ZNF619: variants seen among roughly 807,000 people sequenced by gnomAD.
The protein encoded by ZNF619 is zinc finger protein 619.
A neutral mutation model predicts 14.2 loss-of-function variants in ZNF619; 9 were observed. That is an observed-to-expected ratio of 0.64 (90% confidence interval 0.38 to 1.11). The LOEUF is 1.11. ZNF619 is among the 50% of genes least tolerant of loss of function. ZNF619 has a pLI of 0.01. For synonymous variants in ZNF619, 246 were observed against 252.8 expected (o/e 0.97, Z 0.26); for missense variants, 659 against 680.1 (o/e 0.97, Z 0.34).
At chr3:40,485,931 A>C (rs749944713) in intron 4 of ZNF619, among the ~76,000 whole-genome samples, 2 of 152,152 alleles carry the variant, frequency 1.3e-5, no homozygotes, top group Admixed American at 6.5e-5. Flanking sequence ...GGGTTTTAAA[A>C]TTGTGGTCTT....
At position 40,489,896 on chromosome 3, in the gene ZNF619, G is replaced by T. The variant is rs1231630969; in HGVS notation, c.*1655G>T. Reference sequence around the variant, plus strand: ...TAAAGAACTGTTTTGATGACACCAAGAAATGTTTTCAGTGTGCAGATTGCT... The same window carrying T: ...TAAAGAACTGTTTTGATGACACCAATAAATGTTTTCAGTGTGCAGATTGCT... On this transcript the variant is annotated 3_prime_UTR_variant, in exon 5 of 5. Coordinates refer to ENST00000432264, the MANE Select transcript of ZNF619 (RefSeq NM_001145093.4). 4 of 152,182 alleles carry T rather than the reference G, an allele frequency of 2.6e-5. No individual in the cohort carries two copies. The highest frequency in any genetic ancestry group is 5.9e-5 in the Non-Finnish European group (4 of 68,042). The allele number at this position is 152,182 out of a possible 1,614,324, so 9.4% of individuals were successfully genotyped here.
intron 2 of ZNF619, among the ~76,000 whole-genome samples, chr3:40,480,298 C>T (rs1697341480): frequency 6.6e-6 from 1 of 152,084 alleles, no homozygotes; most frequent in Non-Finnish European, 1.5e-5. Flanking sequence ...TCAGTCATGC[C>T]GGCCACCTTT....
intron 2 of ZNF619, among the ~76,000 whole-genome samples, chr3:40,478,555 T>C (rs1697277291): frequency 6.6e-6 from 1 of 152,064 alleles, no homozygotes; most frequent in South Asian, 2.1e-4. Flanking sequence ...TTTGGAGGAA[T>C]GATGAGTTTG....
In ZNF619 at chr3:40,487,755, C is replaced by T. The variant is rs145212002; in HGVS notation, c.1245C>T (p.Phe415=). The change falls in exon 5 of 5, where the codon TTC becomes TTT. Residue 415 remains phenylalanine (F), a synonymous_variant. Coordinates refer to ENST00000432264, the MANE Select transcript of ZNF619 (RefSeq NM_001145093.4). ...AAACTTTCAGCTGTAGCTCCCGCTT[C>T]ATAGTGCATCAGAGAATCCACAATG... The part of the protein sequence containing the change: ...CWKTFSCSSR[F]IVHQRIHNGE... 8 of 1,614,020 alleles carry T rather than the reference C, an allele frequency of 5.0e-6. No individual in the cohort carries two copies. The African/African-American group carries it at 9.3e-5, about 19-fold the overall frequency.
Position 40,487,986 on chromosome 3 carries a change from T to G in ZNF619, c.1476T>G (p.Val492=), listed in dbSNP as rs1697679029. The change falls in exon 5 of 5, where the codon GTT becomes GTG. Residue 492 remains valine (V), a synonymous_variant. Coordinates refer to ENST00000432264, the MANE Select transcript of ZNF619 (RefSeq NM_001145093.4). ...KLINGTGLSA[V]KPYCPCAILS... The stretch of plus-strand genomic sequence containing the variant: ...TCAATGGAACAGGGCTATCCGCAGT[T>G]AAGCCCTACTGTCCCTGCGCCATCC... 1.2e-6 allele frequency: 2 copies of G among 1,614,222 alleles called. No individual in the cohort carries two copies. Among genetic ancestry groups the G allele is most frequent in the Middle Eastern group, 1.6e-4 (1 of 6,062 alleles).
chr3:40,479,091 C>G (rs1219894198), intron 2 of ZNF619, among the ~76,000 whole-genome samples: 1 of 152,190 alleles, frequency 6.6e-6, no homozygotes, highest in Non-Finnish European at 1.5e-5. Context: ...CAGGCTCTGT[C>G]TTTCTGCTCT....
rs776571678 is a variant in ZNF619, at chr3:40,488,100, C to T, written c.1590C>T (p.Pro530=). Residue 530 remains proline, a synonymous_variant, in exon 5 of 5, where the codon CCC becomes CCT. Coordinates refer to ENST00000432264, the MANE Select transcript of ZNF619 (RefSeq NM_001145093.4). ...CTTCACATGCAGTGGTACTTCCTCC[C>T]TCTGTGCCTTTCTTCCTGCTGCTTC... ...LSSSHAVVLP[P]SVPFFLLLPS... 7 of 1,614,214 alleles carry T rather than the reference C, an allele frequency of 4.3e-6. No individual in the cohort carries two copies. The South Asian group carries it at 6.6e-5, about 15-fold the overall frequency.
chr3:40,488,134 GA>G lies in ZNF619; in HGVS notation c.1628del (p.Lys543ArgfsTer9). 1.9e-6 allele frequency: 3 copies of G among 1,614,062 alleles called. No homozygotes were observed. The highest frequency in any genetic ancestry group is 2.5e-6 in the Non-Finnish European group (3 of 1,179,968). On this transcript the variant is annotated frameshift_variant, in exon 5 of 5. Transcript: ENST00000432264. LOFTEE classifies it low-confidence loss of function (END_TRUNC). ...VPFFLLLPSS[E>X]KANPSPVQIA... is the part of the protein sequence containing the mutation. ...TTTCTTCCTGCTGCTTCCCTCATCT[GA>G]AAAGGCCAACCCTTCACCTGTCCAA... is the stretch of plus-strand genomic sequence containing the variant.
At chr3:40,485,493 G>A (rs1697550763) in intron 4 of ZNF619, among the ~76,000 whole-genome samples, 1 of 152,014 alleles carries the variant, frequency 6.6e-6, no homozygotes, top group Non-Finnish European at 1.5e-5. Context: ...AGTAGAGATG[G>A]GGTTTTGCCA....
chr3:40,484,612 T>C (rs1575269145), intron 4 of ZNF619, among the ~76,000 whole-genome samples: 1 of 152,236 alleles, frequency 6.6e-6, no homozygotes, highest in East Asian at 1.9e-4. Flanking sequence ...GTTGTTAGTG[T>C]TTCCCCTTGC....
In ZNF619 at chr3:40,487,636, G is replaced by A; in HGVS notation, c.1126G>A (p.Glu376Lys). The change falls in exon 5 of 5, where the codon GAG becomes AAG. Residue 376 changes from glutamate (E) to lysine (K), a missense_variant. Transcript: ENST00000432264. ...TGGGGAGAAACCTTATGAATGTAAA[G>A]AGTGTGGCAAGGCCTTCCACCGCAG... ...HTGEKPYECK[E>K]CGKAFHRSSV... 6.2e-7 allele frequency: 1 copy of A among 1,614,180 alleles called. No individual in the cohort carries two copies. Among genetic ancestry groups the A allele is most frequent in the Non-Finnish European group, 8.5e-7 (1 of 1,180,010 alleles).
At chr3:40,483,445 C>G (rs1697473961) in intron 4 of ZNF619, among the ~76,000 whole-genome samples, 1 of 151,870 alleles carries the variant, frequency 6.6e-6, no homozygotes, top group Admixed American at 6.6e-5. Context: ...CGCGTGCCAC[C>G]ATGACTGGCT....
intron 4 of ZNF619, among the ~76,000 whole-genome samples, chr3:40,485,021 G>A (rs904969295): frequency 6.6e-6 from 1 of 151,800 alleles, no homozygotes; most frequent in African/African-American, 2.4e-5. Flanking sequence ...TCAAATTCCT[G>A]GGCTCAAGTG....
chr3:40,482,485 C>T (rs1318412542), intron 3 of ZNF619, 103 bp from the exon 4 acceptor site: 2 of 1,548,560 alleles, frequency 1.3e-6, no homozygotes, highest in African/African-American at 1.4e-5. Context: ...ACTTAGTCTC[C>T]TGGGCCATCC....
rs972380553 is a variant in ZNF619, at chr3:40,477,242, T to G, written c.-178T>G. 6.6e-6 allele frequency: 1 copy of G among 152,646 alleles called. No homozygotes were observed. Among genetic ancestry groups the G allele is most frequent in the African/African-American group, 2.4e-5 (1 of 41,462 alleles). The allele number at this position is 152,646 out of a possible 1,614,324, so 9.5% of individuals were successfully genotyped here. A position where few individuals can be genotyped will look rare whatever the true frequency, so the allele number is the denominator to read the frequency against. The stretch of plus-strand genomic sequence containing the variant: ...TTCTGGAGGTCAGGCTTTGGGCCCT[T>G]GCAGAGGTCGCCGAGGGGCCCGCGC... On this transcript the variant is annotated 5_prime_UTR_variant, in exon 1 of 5. Transcript: ENST00000432264.
intron 4 of ZNF619, among the ~76,000 whole-genome samples, chr3:40,483,292 G>GTT (rs777485499): frequency 2.5e-4 from 35 of 140,016 alleles, no homozygotes; most frequent in Admixed American, 3.6e-4. Context: ...CTTGGTTTTG[G>GTT]TTTTTTTTTT....
At chr3:40,482,095 C>T (rs1194380200) in intron 3 of ZNF619, 79 bp downstream of exon 3, 1 of 1,553,496 alleles carries the variant, frequency 6.4e-7, no homozygotes, top group Non-Finnish European at 8.7e-7. Flanking sequence ...ACTAGGATCT[C>T]TTTAATACCA....
At position 40,489,196 on chromosome 3, in the gene ZNF619, T is replaced by C. The variant is rs1275776308; in HGVS notation, c.*955T>C. 4 of 150,846 alleles carry C rather than the reference T, an allele frequency of 2.7e-5. No individual in the cohort carries two copies. Among genetic ancestry groups the C allele is most frequent in the Admixed American group, 2.6e-4 (4 of 15,212 alleles). The allele number at this position is 150,846 out of a possible 1,614,324, so 9.3% of individuals were successfully genotyped here. On this transcript the variant is annotated 3_prime_UTR_variant, in exon 5 of 5. Transcript: ENST00000432264. ...TTGGGTTCCTTCTCTATTTTCATTTTCCTTTTTTTTTTGAGACAGGTTCTT... is the reference window on the plus strand; with the variant it reads ...TTGGGTTCCTTCTCTATTTTCATTTCCCTTTTTTTTTTGAGACAGGTTCTT...
At position 40,490,818 on chromosome 3, in the gene ZNF619, T is replaced by C. The variant is rs1292911739; in HGVS notation, c.*2577T>C. On this transcript the variant is annotated 3_prime_UTR_variant, in exon 5 of 5. Transcript: ENST00000432264. ...TGGTCAACAGTAGACTATTAGTAGT[T>C]ACATTTTTGGGGAGTTAAAAGTTAT... is the stretch of plus-strand genomic sequence containing the variant. Among the ~76,000 whole-genome samples the C allele has an allele frequency of 6.6e-6, 1 of 152,198 alleles. No homozygotes were observed. Among genetic ancestry groups the C allele is most frequent in the African/African-American group, 2.4e-5 (1 of 41,444 alleles).
Sources: gnomAD v4.1 joint callset for allele counts (sites outside exome capture counted in the v4.1 genomes callset) on GRCh38, gnomAD v4.1.1 for gene constraint, MANE v1.5 for transcripts, NCBI Gene and HGNC (gene_info 2026-07-23, HGNC 2026-07-21) for gene names.